The following CLCN3 variants were observed in gnomAD, a reference collection of about 807,000 sequenced individuals.
The protein encoded by CLCN3 is Cl-/H+ antiporter 3.
Under a neutral mutation model 83.4 loss-of-function variants are expected in CLCN3, and 16 were observed. That is an observed-to-expected ratio of 0.19 (90% CI 0.13 to 0.29). The LOEUF is 0.29. Among genes scored for constraint, CLCN3 ranks in the 10% least tolerant of loss-of-function variants. CLCN3 has a pLI of 1.00. For missense variants in CLCN3, 544 were observed against 1,006.0 expected (o/e 0.54, Z 6.21); for synonymous variants, 322 against 346.2 (o/e 0.93, Z 0.78).
At chr4:169,645,112 G>A (rs979788383) in intron 2 of CLCN3, among the ~76,000 whole-genome samples, 3 of 152,210 alleles carry the variant, frequency 2.0e-5, no homozygotes, top group South Asian at 2.1e-4. Flanking sequence ...AAACGGACAC[G>A]GATATCTTAG....
In CLCN3 at chr4:169,720,419, C is replaced by T. The variant is rs1204382279; in HGVS notation, c.*422C>T. 5.7e-6 allele frequency: 1 copy of T among 176,436 alleles called. No homozygotes were observed. The highest frequency in any genetic ancestry group is 1.2e-5 in the Non-Finnish European group (1 of 84,178). 10.9% of individuals were successfully genotyped at this position (176,436 alleles called of 1,614,324 possible). A position where few individuals can be genotyped will look rare whatever the true frequency, so the allele number is the denominator to read the frequency against. ...GAGGGATTACTTTGAATTGAGCCATCTATAAAACTGCAAGGTCTTGCCCTT... is the reference window on the plus strand; with the variant it reads ...GAGGGATTACTTTGAATTGAGCCATTTATAAAACTGCAAGGTCTTGCCCTT... On this transcript the variant is annotated 3_prime_UTR_variant, in exon 13 of 13. Transcript: ENST00000513761.
chr4:169,688,359 G>A lies in CLCN3; in HGVS notation c.418+602G>A, dbSNP rs374684165. 1.9e-4 allele frequency among the ~76,000 whole-genome samples: 29 copies of A among 152,244 alleles called. 1 individual carries two copies. In the South Asian group the frequency reaches 6.0e-3, roughly 32 times the overall value. On this transcript the variant is annotated intron_variant, in intron 4 of 12. Transcript: ENST00000513761. ...GAGATTTTAAGAAAGAGCTGTTGAG[G>A]ACCTGAAAACAAATATTAAGCACTG... is the stretch of plus-strand genomic sequence containing the variant.
At chr4:169,717,968 CA>C (rs1344657847) in intron 12 of CLCN3, 6 of 670,394 alleles carry the variant, frequency 8.9e-6, no homozygotes, top group Non-Finnish European at 1.6e-5. Flanking sequence ...ATCTGCTGAA[CA>C]AAAATATCCT....
In CLCN3 at chr4:169,680,022, T is replaced by C. The variant is rs1156348516; in HGVS notation, c.161-28T>C. ...GCTCACTGTTGTCTCTTCTAAAACA[T>C]ACTCATCTTTCCTTTTCTCTTCTGT... On this transcript the variant is annotated intron_variant, in intron 2 of 12. Transcript: ENST00000513761. The C allele has an allele frequency of 4.4e-6, 7 of 1,580,714 alleles. No homozygotes were observed. The East Asian group carries it at 1.1e-4, about 25-fold the overall frequency.
chr4:169,684,157 A>G lies in CLCN3; in HGVS notation c.319-3501A>G, dbSNP rs551092381. On this transcript the variant is annotated intron_variant, in intron 3 of 12. Coordinates refer to ENST00000513761, the MANE Select transcript of CLCN3 (RefSeq NM_001829.4). ...TCCTACCCCAGATTATTTCGAAGCA[A>G]ATTGTCATTCTGTAATTTCAAATAT... Among the ~76,000 whole-genome samples the G allele has an allele frequency of 2.2e-4, 33 of 152,316 alleles. 1 individual carries two copies. The South Asian group carries it at 4.3e-3, about 20-fold the overall frequency.
intron 11 of CLCN3, among the ~76,000 whole-genome samples, chr4:169,708,840 A>G (rs985667684): frequency 5.9e-5 from 9 of 151,944 alleles, no homozygotes; most frequent in African/African-American, 2.2e-4. Context: ...TGTTAGTCAC[A>G]TGACTTTCTA....
At chr4:169,650,547 G>A (rs1325522214) in intron 2 of CLCN3, among the ~76,000 whole-genome samples, 1 of 152,186 alleles carries the variant, frequency 6.6e-6, no homozygotes, top group Non-Finnish European at 1.5e-5. Flanking sequence ...GTATAGAATG[G>A]TGGTTACATT....
At chr4:169,665,187 T>G (rs533819432) in intron 2 of CLCN3, among the ~76,000 whole-genome samples, 1 of 152,362 alleles carries the variant, frequency 6.6e-6, no homozygotes, top group South Asian at 2.1e-4. Context: ...TGTCTTAATA[T>G]CCACCTTATC....
intron 12 of CLCN3, chr4:169,717,870 G>C: frequency 1.2e-6 from 2 of 1,600,800 alleles, no homozygotes; most frequent in Non-Finnish European, 1.7e-6. Context: ...AACCCTTGGT[G>C]ATTAGATATA....
chr4:169,694,357 C>A (rs927324877), intron 7 of CLCN3, among the ~76,000 whole-genome samples: 2 of 152,258 alleles, frequency 1.3e-5, no homozygotes, highest in African/African-American at 4.8e-5. Flanking sequence ...CTACCCATAG[C>A]CATACAGCTA....
At chr4:169,692,078 A>G (rs1732395217) in intron 6 of CLCN3, 36 bp from the exon 7 acceptor site, 1 of 1,275,860 alleles carries the variant, frequency 7.8e-7, no homozygotes, top group African/African-American at 1.5e-5. Flanking sequence ...CATGTTTCTT[A>G]AAGGACATTA....
At chr4:169,623,815 G>A (rs1773165290) in intron 1 of CLCN3, among the ~76,000 whole-genome samples, 1 of 151,892 alleles carries the variant, frequency 6.6e-6, no homozygotes. Context: ...TGTCCTCCGG[G>A]TTAATCTACG....
intron 1 of CLCN3, among the ~76,000 whole-genome samples, chr4:169,624,503 A>G (rs1773183177): frequency 1.3e-5 from 2 of 152,110 alleles, no homozygotes; most frequent in Admixed American, 6.5e-5. Flanking sequence ...TCCTGACCTC[A>G]TGTGATCTGC....
intron 9 of CLCN3, among the ~76,000 whole-genome samples, chr4:169,702,991 C>T (rs541230714): frequency 6.6e-6 from 1 of 152,216 alleles, no homozygotes; most frequent in Non-Finnish European, 1.5e-5. Flanking sequence ...GAGGGAGAGA[C>T]AGGGGAACAG....
chr4:169,643,625 A>G (rs993447962), intron 2 of CLCN3, among the ~76,000 whole-genome samples: 1 of 150,412 alleles, frequency 6.6e-6, no homozygotes, highest in South Asian at 2.1e-4. Context: ...CTCGACCTCC[A>G]TGGACTCGAG....
At chr4:169,665,178 G>A (rs1560843860) in intron 2 of CLCN3, among the ~76,000 whole-genome samples, 2 of 152,138 alleles carry the variant, frequency 1.3e-5, no homozygotes, top group African/African-American at 4.8e-5. Context: ...TTACACAGAT[G>A]TCTTAATATC....
chr4:169,649,760 T>TGA (rs1206344905), intron 2 of CLCN3, among the ~76,000 whole-genome samples: 2 of 152,092 alleles, frequency 1.3e-5, no homozygotes, highest in African/African-American at 4.8e-5. Context: ...AAACATCTGT[T>TGA]AATGTGTAGT....
chr4:169,700,611 T>C (rs1732748651), intron 9 of CLCN3, among the ~76,000 whole-genome samples: 1 of 152,180 alleles, frequency 6.6e-6, no homozygotes, highest in African/African-American at 2.4e-5. Flanking sequence ...CTTATCCCTG[T>C]TTATTATCCT....
chr4:169,703,675 C>CTT (rs1215741103), intron 9 of CLCN3, among the ~76,000 whole-genome samples: 1 of 123,352 alleles, frequency 8.1e-6, no homozygotes, highest in African/African-American at 3.2e-5. Flanking sequence ...TTTTTTTTTT[C>CTT]TTTTTTTTTT....
Sources: gnomAD v4.1 joint callset for allele counts (sites outside exome capture counted in the v4.1 genomes callset) on GRCh38, gnomAD v4.1.1 for gene constraint, MANE v1.5 for transcripts, NCBI Gene and HGNC (gene_info 2026-07-23, HGNC 2026-07-21) for gene names.